The following PLCXD3 variants were observed in gnomAD, a reference collection of about 807,000 sequenced individuals.
PLCXD3 encodes phosphatidylinositol specific phospholipase C X domain containing 3.
Under a neutral mutation model 25.5 loss-of-function variants are expected in PLCXD3, and 19 were observed. The observed-to-expected ratio is 0.75, with a 90% CI of 0.52 to 1.09. PLCXD3 has a LOEUF of 1.09. Ranked by LOEUF, PLCXD3 falls within the 50% of genes least tolerant of loss-of-function variation. The pLI, the probability that PLCXD3 is intolerant of heterozygous loss-of-function variation, is 0.00. For missense variants in PLCXD3, 411 were observed against 388.1 expected (o/e 1.06, Z -0.50); for synonymous variants, 174 against 137.6 (o/e 1.26, Z -1.85).
At chr5:41,454,247 T>C (rs901057272) in intron 1 of PLCXD3, among the ~76,000 whole-genome samples, 8 of 152,018 alleles carry the variant, frequency 5.3e-5, no homozygotes, top group African/African-American at 1.7e-4. Context: ...CAATGACTGG[T>C]GTCCTGTCTT....
intron 1 of PLCXD3, among the ~76,000 whole-genome samples, chr5:41,493,579 G>A (rs910776509): frequency 6.6e-6 from 1 of 152,372 alleles, no homozygotes; most frequent in African/African-American, 2.4e-5. Flanking sequence ...AGCTGTGGTG[G>A]GCTCCACCCA....
intron 1 of PLCXD3, among the ~76,000 whole-genome samples, chr5:41,476,494 G>A (rs1215025307): frequency 6.6e-6 from 1 of 152,182 alleles, no homozygotes; most frequent in Admixed American, 6.5e-5. Context: ...ACTGGGTGCT[G>A]AGAATCTAAT....
intron 1 of PLCXD3, among the ~76,000 whole-genome samples, chr5:41,496,954 G>T (rs1466047301): frequency 6.6e-6 from 1 of 151,554 alleles, no homozygotes; most frequent in African/African-American, 2.4e-5. Context: ...TATGTGGAGG[G>T]AGAAGTAGGG....
At chr5:41,465,764 A>C (rs149959131) in intron 1 of PLCXD3, among the ~76,000 whole-genome samples, 1,805 of 152,132 alleles carry the variant, frequency 0.012, 41 homozygotes, top group African/African-American at 0.041. Flanking sequence ...ATCTATTCTT[A>C]GCTCTGCTCT....
intron 1 of PLCXD3, among the ~76,000 whole-genome samples, chr5:41,479,503 T>C (rs1474639416): frequency 1.3e-5 from 2 of 152,150 alleles, no homozygotes; most frequent in Non-Finnish European, 2.9e-5. Context: ...GTTGTGTATA[T>C]TTTACCTTGA....
intron 1 of PLCXD3, among the ~76,000 whole-genome samples, chr5:41,454,916 C>G (rs1747719655): frequency 6.6e-6 from 1 of 151,894 alleles, no homozygotes; most frequent in Admixed American, 6.6e-5. Context: ...CCTTAGGAAA[C>G]TTACAATCAT....
Position 41,460,695 on chromosome 5 carries a change from A to T in PLCXD3, c.103+49729T>A, listed in dbSNP as rs117577517. Among the ~76,000 whole-genome samples the T allele has an allele frequency of 9.5e-4, 144 of 152,152 alleles. 1 individual carries two copies. The East Asian group carries it at 0.016, about 17-fold the overall frequency. On this transcript the variant is annotated intron_variant, in intron 1 of 2. Coordinates refer to ENST00000377801, the MANE Select transcript of PLCXD3 (RefSeq NM_001005473.3). ...GATTCATTGCCCTTTTTACAACGTCATTATGAATTTATAAAATGCAATTTT... is the reference window on the plus strand; with the variant it reads ...GATTCATTGCCCTTTTTACAACGTCTTTATGAATTTATAAAATGCAATTTT...
intron 2 of PLCXD3, among the ~76,000 whole-genome samples, chr5:41,364,790 T>G (rs1744889595): frequency 6.6e-6 from 1 of 152,222 alleles, no homozygotes; most frequent in Non-Finnish European, 1.5e-5. Flanking sequence ...AGTGGCTCCC[T>G]TTTTTGTCAG....
At chr5:41,449,705 G>T (rs1463116005) in intron 1 of PLCXD3, among the ~76,000 whole-genome samples, 1 of 152,068 alleles carries the variant, frequency 6.6e-6, no homozygotes, top group African/African-American at 2.4e-5. Flanking sequence ...GTGCCTCAGA[G>T]TTATCTCACC....
intron 1 of PLCXD3, among the ~76,000 whole-genome samples, chr5:41,407,485 G>A (rs1372371651): frequency 6.6e-6 from 1 of 152,030 alleles, no homozygotes; most frequent in Non-Finnish European, 1.5e-5. Flanking sequence ...TCAGTTATTT[G>A]GACTTTTGGA....
At chr5:41,469,108 GT>G (rs1369023822) in intron 1 of PLCXD3, among the ~76,000 whole-genome samples, 1 of 152,056 alleles carries the variant, frequency 6.6e-6, no homozygotes, top group Non-Finnish European at 1.5e-5. Flanking sequence ...TTTATCAAAT[GT>G]TTTTTCTGCA....
At chr5:41,495,034 A>T (rs1315423690) in intron 1 of PLCXD3, among the ~76,000 whole-genome samples, 1 of 152,232 alleles carries the variant, frequency 6.6e-6, no homozygotes, top group Non-Finnish European at 1.5e-5. Flanking sequence ...CAATACATGG[A>T]TTAATTTCCT....
At chr5:41,368,411 C>T (rs747995541) in intron 2 of PLCXD3, among the ~76,000 whole-genome samples, 2 of 152,108 alleles carry the variant, frequency 1.3e-5, no homozygotes, top group Non-Finnish European at 2.9e-5. Context: ...GGTGAAGTTG[C>T]TTGTCAGCTT....
chr5:41,326,102 C>T (rs1743619718), intron 2 of PLCXD3, among the ~76,000 whole-genome samples: 1 of 152,166 alleles, frequency 6.6e-6, no homozygotes, highest in African/African-American at 2.4e-5. Flanking sequence ...TGGAGAGACA[C>T]AAACATTTGG....
intron 1 of PLCXD3, among the ~76,000 whole-genome samples, chr5:41,501,005 G>T (rs1193544550): frequency 6.6e-6 from 1 of 151,892 alleles, no homozygotes; most frequent in Non-Finnish European, 1.5e-5. Flanking sequence ...ACCACGGTAA[G>T]ATATCACCTA....
At position 41,446,633 on chromosome 5, in the gene PLCXD3, T is replaced by C. The variant is rs140647195; in HGVS notation, c.103+63791A>G. Among the ~76,000 whole-genome samples the C allele has an allele frequency of 5.7e-3, 859 of 152,006 alleles. 4 individuals are homozygous for C. The highest frequency in any genetic ancestry group is 0.019 in the African/African-American group (773 of 41,468). On this transcript the variant is annotated intron_variant, in intron 1 of 2. Coordinates refer to ENST00000377801, the MANE Select transcript of PLCXD3 (RefSeq NM_001005473.3). The stretch of plus-strand genomic sequence containing the variant: ...CCCATCTTTGGAGACAAGGAACTGA[T>C]ACTCAAGGAGAAGGGAAGATGCAAA...
At chr5:41,467,334 G>A (rs1748041411) in intron 1 of PLCXD3, among the ~76,000 whole-genome samples, 1 of 152,058 alleles carries the variant, frequency 6.6e-6, no homozygotes, top group Non-Finnish European at 1.5e-5. Flanking sequence ...TATTCCTGTT[G>A]GCCATTCATA....
chr5:41,440,977 G>A (rs981899858), intron 1 of PLCXD3, among the ~76,000 whole-genome samples: 1 of 152,194 alleles, frequency 6.6e-6, no homozygotes, highest in African/African-American at 2.4e-5. Context: ...AGTGTATAAT[G>A]CAGACAAAAA....
chr5:41,498,299 A>C (rs961927032), intron 1 of PLCXD3, among the ~76,000 whole-genome samples: 1 of 151,730 alleles, frequency 6.6e-6, no homozygotes, highest in African/African-American at 2.4e-5. Context: ...AGAAAGAAAG[A>C]GAGAACACTC....
Sources: allele counts gnomAD v4.1 joint callset (sites outside exome capture counted in the v4.1 genomes callset), GRCh38; gene constraint gnomAD v4.1.1; transcripts MANE v1.5; gene names NCBI Gene and HGNC (gene_info 2026-07-23, HGNC 2026-07-21).